The following CARNMT1 variants were observed in gnomAD, a reference collection of about 807,000 sequenced individuals.
CARNMT1 encodes carnosine N-methyltransferase 1.
Under a neutral mutation model 49.6 loss-of-function variants are expected in CARNMT1, and 28 were observed. The ratio of observed to expected loss-of-function variants is 0.56; its 90% CI spans 0.42 to 0.77. The LOEUF (loss-of-function observed/expected upper bound fraction) is 0.77. Among genes scored for constraint, CARNMT1 ranks in the 30% least tolerant of loss-of-function variants. The pLI, the probability that CARNMT1 is intolerant of heterozygous loss-of-function variation, is 0.00. For synonymous variants in CARNMT1, 178 were observed against 175.0 expected (o/e 1.02, Z -0.13); for missense variants, 421 against 512.6 (o/e 0.82, Z 1.73).
intron 6 of CARNMT1, among the ~76,000 whole-genome samples, chr9:74,993,834 A>C (rs1469726955): frequency 2.0e-5 from 3 of 152,132 alleles, no homozygotes; most frequent in Non-Finnish European, 4.4e-5. Flanking sequence ...ACAATCGAGA[A>C]ACCCTGGAAT....
chr9:75,016,539 C>A, intron 2 of CARNMT1, 108 bp from the exon 3 acceptor site: 1 of 1,005,194 alleles, frequency 9.9e-7, no homozygotes, highest in Non-Finnish European at 1.5e-6. Flanking sequence ...GTGGATAAAT[C>A]ACTAGCCTCT....
At chr9:75,027,952 TCCG>T in intron 1 of CARNMT1, 57 bp downstream of exon 1, 1 of 1,479,374 alleles carries the variant, frequency 6.8e-7, no homozygotes, top group Non-Finnish European at 9.0e-7. Flanking sequence ...TTCCGGCGGG[TCCG>T]CCGCCACCAG....
chr9:74,990,628 G>A (rs1331931966), intron 6 of CARNMT1, among the ~76,000 whole-genome samples: 2 of 152,166 alleles, frequency 1.3e-5, no homozygotes, highest in Admixed American at 6.6e-5. Context: ...CACTTCGGTG[G>A]TAGGAACTAG....
At chr9:74,988,743 G>C (rs966176538) in intron 6 of CARNMT1, among the ~76,000 whole-genome samples, 1 of 152,138 alleles carries the variant, frequency 6.6e-6, no homozygotes, top group Admixed American at 6.6e-5. Flanking sequence ...TCTTATTTGT[G>C]TTTTTCCCCA....
At chr9:75,023,174 A>G (rs527473181) in intron 1 of CARNMT1, among the ~76,000 whole-genome samples, 14 of 151,464 alleles carry the variant, frequency 9.2e-5, no homozygotes, top group Admixed American at 5.3e-4. Context: ...TTAAGGAGTC[A>G]TCCTAAATGC....
chr9:75,003,017 C>A (rs1258815046), intron 3 of CARNMT1, among the ~76,000 whole-genome samples: 1 of 152,116 alleles, frequency 6.6e-6, no homozygotes, highest in Non-Finnish European at 1.5e-5. Flanking sequence ...GGATTACAGG[C>A]ATGAGCCACC....
At chr9:75,011,135 G>A (rs1833679739) in intron 3 of CARNMT1, among the ~76,000 whole-genome samples, 1 of 152,126 alleles carries the variant, frequency 6.6e-6, no homozygotes, top group South Asian at 2.1e-4. Context: ...CATCAGGTTG[G>A]CAAAAGGTCA....
chr9:74,985,903 T>G (rs1037044261), intron 6 of CARNMT1, among the ~76,000 whole-genome samples: 31 of 152,202 alleles, frequency 2.0e-4, no homozygotes, highest in African/African-American at 4.8e-5. Context: ...TAATGTGAGA[T>G]AATATGTATT....
At chr9:75,005,873 C>A (rs933871415) in intron 3 of CARNMT1, among the ~76,000 whole-genome samples, 10 of 132,226 alleles carry the variant, frequency 7.6e-5, no homozygotes, top group Non-Finnish European at 1.3e-4. Context: ...CACACACACA[C>A]AATAAAAGGC....
chr9:75,005,508 T>C (rs1833478209), intron 3 of CARNMT1, among the ~76,000 whole-genome samples: 1 of 150,170 alleles, frequency 6.7e-6, no homozygotes, highest in Admixed American at 6.7e-5. Flanking sequence ...GGAGTCTCGC[T>C]GTCACCCAGG....
At chr9:75,027,927 C>T in intron 1 of CARNMT1, 85 bp downstream of exon 1, 1 of 1,383,392 alleles carries the variant, frequency 7.2e-7, no homozygotes, top group Non-Finnish European at 9.4e-7. Flanking sequence ...GGCGGCGGGA[C>T]GGCGAGCGCC....
chr9:75,022,578 T>C (rs527485355), intron 1 of CARNMT1, among the ~76,000 whole-genome samples: 1 of 152,260 alleles, frequency 6.6e-6, no homozygotes, highest in South Asian at 2.1e-4. Flanking sequence ...AAAGACTCCA[T>C]AAATTTACAT....
chr9:74,994,086 TAAG>T (rs1833115829), intron 6 of CARNMT1, among the ~76,000 whole-genome samples: 2 of 152,134 alleles, frequency 1.3e-5, no homozygotes, highest in South Asian at 4.1e-4. Flanking sequence ...AGTGTCCTTA[TAAG>T]AAGAGACACA....
In CARNMT1 at chr9:74,984,951, C is replaced by A; in HGVS notation, c.1084G>T (p.Glu362Ter). 1 of 1,613,850 alleles carries A rather than the reference C, an allele frequency of 6.2e-7. No homozygotes were observed. The highest frequency in any genetic ancestry group is 8.5e-7 in the Non-Finnish European group (1 of 1,179,904). ...ANELSIELSY[E>*]DIKNVVLQYG... ...TGCAGAACAACGTTTTTTATATCCTCATAGCTCAATTCTATGGAAAGTTCA... is the reference window on the plus strand; with the variant it reads ...TGCAGAACAACGTTTTTTATATCCTAATAGCTCAATTCTATGGAAAGTTCA... The change falls in exon 7 of 8, where the codon GAG becomes TAG. Residue 362 changes from glutamate to a stop codon, truncating the protein, a stop_gained. Transcript: ENST00000376834. LOFTEE classifies it high-confidence loss of function.
chr9:74,990,694 T>C (rs1832984269), intron 6 of CARNMT1, among the ~76,000 whole-genome samples: 1 of 152,140 alleles, frequency 6.6e-6, no homozygotes, highest in Admixed American at 6.5e-5. Context: ...TCCTTGGAAA[T>C]AATGGCTGGT....
intron 6 of CARNMT1, among the ~76,000 whole-genome samples, chr9:74,992,500 C>G (rs1833057353): frequency 6.6e-6 from 1 of 152,160 alleles, no homozygotes; most frequent in African/African-American, 2.4e-5. Context: ...CATACACACA[C>G]ACTTTCTTTT....
intron 1 of CARNMT1, among the ~76,000 whole-genome samples, chr9:75,019,110 G>A (rs980047624): frequency 3.1e-4 from 47 of 152,030 alleles, no homozygotes; most frequent in Admixed American, 1.4e-3. Flanking sequence ...GTAAATTACA[G>A]CTCATACAAT....
rs1234701891 is a variant in CARNMT1, at chr9:74,981,472, C to T, written c.*2295G>A. 6.6e-6 allele frequency: 1 copy of T among 152,012 alleles called. No homozygotes were observed. Among genetic ancestry groups the T allele is most frequent in the African/African-American group, 2.4e-5 (1 of 41,406 alleles). The allele number at this position is 152,012 out of a possible 1,614,324, so 9.4% of individuals were successfully genotyped here. On this transcript the variant is annotated 3_prime_UTR_variant, in exon 8 of 8. Transcript: ENST00000376834. ...CTAAATAAATCCTCCAGTGATACTT[C>T]TATTATTGATTGATACCACATTTTC...
chr9:74,997,464 T>C (rs1833220582), intron 5 of CARNMT1, among the ~76,000 whole-genome samples: 1 of 152,198 alleles, frequency 6.6e-6, no homozygotes, highest in Admixed American at 6.5e-5. Flanking sequence ...GTCCTTGCTA[T>C]GGCCTGCCAA....
Sources: gnomAD v4.1 joint callset for allele counts (sites outside exome capture counted in the v4.1 genomes callset) on GRCh38, gnomAD v4.1.1 for gene constraint, MANE v1.5 for transcripts, NCBI Gene and HGNC (gene_info 2026-07-23, HGNC 2026-07-21) for gene names.